The following KHDRBS3 variants were observed in gnomAD, a reference collection of about 807,000 sequenced individuals.
KHDRBS3 encodes KH domain-containing, RNA-binding, signal transduction-associated protein 3.
A neutral mutation model predicts 45.6 loss-of-function variants in KHDRBS3; 23 were observed. The observed-to-expected ratio is 0.50, with a 90% CI of 0.36 to 0.72. The LOEUF is 0.72. KHDRBS3 is among the 30% of genes least tolerant of loss of function. The probability of loss-of-function intolerance (pLI) is 0.00; values close to 1 mark genes in which losing one functional copy is unlikely to be tolerated. For synonymous variants in KHDRBS3, 162 were observed against 156.5 expected (o/e 1.04, Z -0.26); for missense variants, 352 against 424.8 (o/e 0.83, Z 1.51).
At chr8:135,653,410 A>G (rs1379219693) in intron 4 of KHDRBS3, among the ~76,000 whole-genome samples, 1 of 152,222 alleles carries the variant, frequency 6.6e-6, no homozygotes, top group Non-Finnish European at 1.5e-5. Flanking sequence ...TTCAGTACAG[A>G]CAGTCCCTAC....
intron 5 of KHDRBS3, among the ~76,000 whole-genome samples, chr8:135,572,258 G>T (rs1827737257): frequency 6.6e-6 from 1 of 152,112 alleles, no homozygotes; most frequent in Non-Finnish European, 1.5e-5. Context: ...AATAAATAAG[G>T]AGCTCTCTGT....
At chr8:135,556,273 A>G (rs1826882207) in intron 4 of KHDRBS3, among the ~76,000 whole-genome samples, 1 of 152,184 alleles carries the variant, frequency 6.6e-6, no homozygotes, top group Non-Finnish European at 1.5e-5. Flanking sequence ...GCTGGGTCAA[A>G]TGGTATTTCT....
chr8:135,588,200 T>C (rs1237945064), intron 6 of KHDRBS3, among the ~76,000 whole-genome samples: 6 of 152,184 alleles, frequency 3.9e-5, no homozygotes, highest in Non-Finnish European at 8.8e-5. Flanking sequence ...AACCCCTTTC[T>C]TATGTTTGAT....
intron 5 of KHDRBS3, among the ~76,000 whole-genome samples, chr8:135,570,046 G>A (rs1827627923): frequency 6.6e-6 from 1 of 152,056 alleles, no homozygotes. Flanking sequence ...GCCTTACGGG[G>A]CAATTCTGTA....
chr8:135,547,757 G>C (rs1057157843), intron 3 of KHDRBS3, among the ~76,000 whole-genome samples: 20 of 152,110 alleles, frequency 1.3e-4, no homozygotes, highest in Non-Finnish European at 1.6e-4. Context: ...TGAGAGACTA[G>C]AAAGATTTCT....
chr8:135,581,842 TGA>T (rs1413849427), intron 5 of KHDRBS3, 34 bp from the exon 6 acceptor site: 2 of 1,448,780 alleles, frequency 1.4e-6, no homozygotes, highest in Admixed American at 4.0e-5. Flanking sequence ...TTAGAGACTA[TGA>T]TAGATACTGC....
At chr8:135,586,085 A>T (rs897737229) in intron 6 of KHDRBS3, among the ~76,000 whole-genome samples, 3 of 152,228 alleles carry the variant, frequency 2.0e-5, no homozygotes, top group African/African-American at 7.2e-5. Context: ...CAGTATAAAA[A>T]GGGGCTTTAA....
At chr8:135,555,791 C>A (rs773411732) in intron 4 of KHDRBS3, among the ~76,000 whole-genome samples, 1 of 151,954 alleles carries the variant, frequency 6.6e-6, no homozygotes, top group Non-Finnish European at 1.5e-5. Context: ...GCAGAACGTG[C>A]AGTTTTGTTA....
At chr8:135,470,348 T>C (rs1335935368) in intron 1 of KHDRBS3, among the ~76,000 whole-genome samples, 1 of 152,172 alleles carries the variant, frequency 6.6e-6, no homozygotes, top group African/African-American at 2.4e-5. Context: ...AAGTGTCTCT[T>C]TCTCTCTTAG....
chr8:135,603,305 A>C (rs1417106449), intron 6 of KHDRBS3, among the ~76,000 whole-genome samples: 1 of 152,216 alleles, frequency 6.6e-6, no homozygotes, highest in Non-Finnish European at 1.5e-5. Context: ...TGAAGATTTA[A>C]TTTAATAGGA....
chr8:135,597,896 G>A (rs149733578), intron 6 of KHDRBS3, among the ~76,000 whole-genome samples: 2 of 152,088 alleles, frequency 1.3e-5, no homozygotes, highest in African/African-American at 4.8e-5. Flanking sequence ...CTTGTTTGTA[G>A]GATTTCTGAC....
chr8:135,577,495 G>T (rs2130908979), intron 5 of KHDRBS3, among the ~76,000 whole-genome samples: 1 of 152,024 alleles, frequency 6.6e-6, no homozygotes, highest in South Asian at 2.1e-4. Flanking sequence ...ATGTCATACA[G>T]TTGAAAGCAT....
At chr8:135,633,868 T>C (rs188702639) in intron 7 of KHDRBS3, among the ~76,000 whole-genome samples, 109 of 152,332 alleles carry the variant, frequency 7.2e-4, no homozygotes, top group Admixed American at 2.7e-3. Context: ...TGAACCTACA[T>C]TGACACATGA....
chr8:135,552,410 A>G (rs943798367), intron 4 of KHDRBS3, among the ~76,000 whole-genome samples: 12 of 151,900 alleles, frequency 7.9e-5, no homozygotes, highest in African/African-American at 2.9e-4. Context: ...CCTCTAGTGA[A>G]TTTTTCATTG....
At chr8:135,631,938 A>G (rs748944885) in intron 7 of KHDRBS3, among the ~76,000 whole-genome samples, 4 of 152,232 alleles carry the variant, frequency 2.6e-5, no homozygotes, top group African/African-American at 7.2e-5. Context: ...GCATTGCGCT[A>G]TGATGCTACC....
intron 1 of KHDRBS3, among the ~76,000 whole-genome samples, chr8:135,509,125 T>A (rs1824150146): frequency 1.3e-5 from 2 of 152,244 alleles, no homozygotes. Flanking sequence ...ATGTTCCTCT[T>A]TTACATATCT....
intron 7 of KHDRBS3, among the ~76,000 whole-genome samples, chr8:135,627,056 C>G (rs566058448): frequency 6.6e-6 from 1 of 152,100 alleles, no homozygotes; most frequent in Non-Finnish European, 1.5e-5. Context: ...GATACTCACA[C>G]GCCTTATTTC....
At chr8:135,546,476 C>G (rs1371118219) in intron 3 of KHDRBS3, among the ~76,000 whole-genome samples, 1 of 152,096 alleles carries the variant, frequency 6.6e-6, no homozygotes, top group East Asian at 1.9e-4. Flanking sequence ...TGACAGTGCT[C>G]CGGTCTGTTG....
chr8:135,465,374 G>A (rs1054420157), intron 1 of KHDRBS3, among the ~76,000 whole-genome samples: 3 of 152,086 alleles, frequency 2.0e-5, no homozygotes, highest in East Asian at 1.9e-4. Context: ...TGTGAGTATC[G>A]ACATCACTTT....
Sources: gnomAD v4.1 joint callset for allele counts (sites outside exome capture counted in the v4.1 genomes callset) on GRCh38, gnomAD v4.1.1 for gene constraint, MANE v1.5 for transcripts, NCBI Gene and HGNC (gene_info 2026-07-23, HGNC 2026-07-21) for gene names.